IQCJ: variants seen among roughly 807,000 people sequenced by gnomAD.
IQCJ encodes the protein IQ motif containing J, also known as IQ domain-containing protein J.
Under a neutral mutation model 11.0 loss-of-function variants are expected in IQCJ, and 9 were observed. The ratio of observed to expected loss-of-function variants is 0.82; its 90% confidence interval spans 0.49 to 1.43. The LOEUF (loss-of-function observed/expected upper bound fraction) is 1.43. IQCJ is among the 40% of genes most tolerant of loss of function. IQCJ has a pLI of 0.00. For missense variants in IQCJ, 146 were observed against 133.2 expected, an observed-to-expected ratio of 1.10 and a Z score of -0.47; for synonymous variants, 55 against 51.3, an observed-to-expected ratio of 1.07 and a Z score of -0.31.
intron 3 of IQCJ, among the ~76,000 whole-genome samples, chr3:159,256,067 C>T (rs1292004028): frequency 1.3e-5 from 2 of 152,202 alleles, no homozygotes; most frequent in Non-Finnish European, 2.9e-5. Flanking sequence ...CTGCCCTCCA[C>T]CTTGTAATTC....
At chr3:159,213,343 A>G (rs1725054295) in intron 1 of IQCJ, among the ~76,000 whole-genome samples, 1 of 152,168 alleles carries the variant, frequency 6.6e-6, no homozygotes, top group African/African-American at 2.4e-5. Context: ...AAGTGGGTCA[A>G]ACCATCTGGT....
At chr3:159,253,845 T>C (rs987796448) in intron 3 of IQCJ, among the ~76,000 whole-genome samples, 2 of 152,178 alleles carry the variant, frequency 1.3e-5, no homozygotes, top group African/African-American at 4.8e-5. Context: ...AAAACAGAAA[T>C]CACACAAATA....
intron 1 of IQCJ, among the ~76,000 whole-genome samples, chr3:159,076,069 C>T (rs917982754): frequency 6.6e-6 from 1 of 152,098 alleles, no homozygotes; most frequent in African/African-American, 2.4e-5. Flanking sequence ...GTTGTAAATT[C>T]AGGAACCAGC....
At chr3:159,206,074 C>T (rs1355971905) in intron 1 of IQCJ, among the ~76,000 whole-genome samples, 1 of 152,096 alleles carries the variant, frequency 6.6e-6, no homozygotes, top group Non-Finnish European at 1.5e-5. Flanking sequence ...GGAGTGTTAG[C>T]CTGGGCCAAT....
At chr3:159,217,393 G>A (rs1725291639) in intron 1 of IQCJ, among the ~76,000 whole-genome samples, 1 of 152,184 alleles carries the variant, frequency 6.6e-6, no homozygotes, top group African/African-American at 2.4e-5. Flanking sequence ...TTTTGTGTTG[G>A]TTGAGTGTTA....
intron 1 of IQCJ, among the ~76,000 whole-genome samples, chr3:159,160,465 G>C (rs1398888808): frequency 6.6e-6 from 1 of 151,684 alleles, no homozygotes; most frequent in Non-Finnish European, 1.5e-5. Flanking sequence ...ATCACGCCCA[G>C]CTGATTTTTG....
At chr3:159,081,100 C>T (rs1053218604) in intron 1 of IQCJ, among the ~76,000 whole-genome samples, 1 of 152,082 alleles carries the variant, frequency 6.6e-6, no homozygotes, top group Non-Finnish European at 1.5e-5. Context: ...GTGATTTCAT[C>T]ATGGACTCAA....
chr3:159,091,428 C>G (rs1383588073), intron 1 of IQCJ, among the ~76,000 whole-genome samples: 2 of 151,604 alleles, frequency 1.3e-5, no homozygotes, highest in Non-Finnish European at 2.9e-5. Flanking sequence ...TTATAGAGAG[C>G]TCTTTGGGGT....
chr3:159,207,137 A>T (rs1724701431), intron 1 of IQCJ, among the ~76,000 whole-genome samples: 2 of 152,212 alleles, frequency 1.3e-5, no homozygotes, highest in Admixed American at 1.3e-4. Flanking sequence ...ATTACTATAC[A>T]AAGCTTCTGA....
chr3:159,263,776 G>A (rs752950120), downstream of IQCJ: 2 of 985,228 alleles, frequency 2.0e-6, no homozygotes, highest in Non-Finnish European at 2.4e-6. Context: ...GATTTAAAGA[G>A]AGAGAATAAG....
At position 159,262,605 on chromosome 3, in the gene IQCJ, C is replaced by A. The variant is rs749015086; in HGVS notation, c.213C>A (p.Ser71Arg). 5.6e-6 allele frequency: 9 copies of A among 1,613,926 alleles called. No individual in the cohort carries two copies. In the Admixed American group the frequency reaches 1.5e-4, roughly 27 times the overall value. Reference protein sequence around the residue: ...LQRQEPLGKRSPSPPSVSSEK... With the variant: ...LQRQEPLGKRRPSPPSVSSEK... ...GGCAGGAGCCCCTGGGGAAGAGGAG[C>A]CCGTCCCCACCCTCTGTCTCCTCAG... The change falls in exon 4 of 4, where the codon AGC becomes AGA. Residue 71 changes from serine (S) to arginine (R), a missense_variant. Ser to Arg is a moderately radical substitution (Grantham distance 110). Transcript: ENST00000397832.
At chr3:159,255,886 C>T (rs766743006) in intron 3 of IQCJ, among the ~76,000 whole-genome samples, 2 of 152,118 alleles carry the variant, frequency 1.3e-5, no homozygotes, top group Non-Finnish European at 2.9e-5. Flanking sequence ...AGTGAAAGCA[C>T]CAAAAGGAAG....
intron 1 of IQCJ, among the ~76,000 whole-genome samples, chr3:159,217,983 T>C (rs1725327366): frequency 6.6e-6 from 1 of 151,742 alleles, no homozygotes; most frequent in African/African-American, 2.4e-5. Flanking sequence ...TATTACAGCT[T>C]TGGTGGTTGG....
chr3:159,234,227 A>G (rs1726440299), intron 1 of IQCJ, among the ~76,000 whole-genome samples: 1 of 152,218 alleles, frequency 6.6e-6, no homozygotes, highest in East Asian at 1.9e-4. Flanking sequence ...CTATTTTTAT[A>G]AGGCTTCTGT....
At chr3:159,178,275 G>A (rs1209439473) in intron 1 of IQCJ, among the ~76,000 whole-genome samples, 1 of 152,184 alleles carries the variant, frequency 6.6e-6, no homozygotes. Context: ...AACTATCATG[G>A]GATGAGGATG....
chr3:159,183,856 T>C (rs1723235760), intron 1 of IQCJ, among the ~76,000 whole-genome samples: 1 of 151,910 alleles, frequency 6.6e-6, no homozygotes, highest in South Asian at 2.1e-4. Flanking sequence ...TGCCATTAGC[T>C]CTCCTTCCAA....
intron 1 of IQCJ, among the ~76,000 whole-genome samples, chr3:159,221,899 T>C (rs1488799507): frequency 6.7e-6 from 1 of 149,938 alleles, no homozygotes; most frequent in Non-Finnish European, 1.5e-5. Flanking sequence ...AACACACAGA[T>C]GGTGCTTTAA....
intron 3 of IQCJ, among the ~76,000 whole-genome samples, chr3:159,259,348 G>C (rs369709058): frequency 6.6e-6 from 1 of 152,126 alleles, no homozygotes; most frequent in Non-Finnish European, 1.5e-5. Context: ...AAATATAGGA[G>C]CACACAACAT....
chr3:159,179,562 C>A (rs1169772376), intron 1 of IQCJ, among the ~76,000 whole-genome samples: 1 of 151,336 alleles, frequency 6.6e-6, no homozygotes, highest in African/African-American at 2.5e-5. Flanking sequence ...TCACTGGAAT[C>A]TATTATGTCT....
Sources: allele counts gnomAD v4.1 joint callset (sites outside exome capture counted in the v4.1 genomes callset), GRCh38; gene constraint gnomAD v4.1.1; transcripts MANE v1.5; gene names NCBI Gene and HGNC (gene_info 2026-07-23, HGNC 2026-07-21).